Variants in ABR observed in about 807,000 individuals in gnomAD.
ABR encodes active breakpoint cluster region-related protein.
ABR carries 35 observed loss-of-function variants against 107.2 expected under a neutral mutation model. The observed-to-expected ratio is 0.33, with a 90% CI of 0.25 to 0.43. ABR has a LOEUF of 0.43. Among genes scored for constraint, ABR ranks in the 20% least tolerant of loss-of-function variants. ABR has a pLI of 1.00. For missense variants in ABR, 815 were observed against 1,115.2 expected (o/e 0.73, Z 3.83); for synonymous variants, 498 against 462.0 (o/e 1.08, Z -1.00).
At chr17:1,062,717 C>A (rs1156891605) in intron 10 of ABR, among the ~76,000 whole-genome samples, 1 of 146,678 alleles carries the variant, frequency 6.8e-6, no homozygotes, top group African/African-American at 2.4e-5. Flanking sequence ...ATTATGTGAA[C>A]TGAGGGCTAT....
At chr17:1,066,246 C>A (rs563372887) in intron 10 of ABR, among the ~76,000 whole-genome samples, 2 of 152,300 alleles carry the variant, frequency 1.3e-5, no homozygotes, top group South Asian at 2.1e-4. Context: ...TGTATGCTAT[C>A]AACTTGCAGA....
At chr17:1,168,700 A>G (rs540650846) in intron 1 of ABR, among the ~76,000 whole-genome samples, 2 of 152,222 alleles carry the variant, frequency 1.3e-5, no homozygotes, top group African/African-American at 2.4e-5. Context: ...TTGAGGACAG[A>G]CACGGCAGGC....
chr17:1,226,378 T>C (rs928630633), intron 1 of ABR, among the ~76,000 whole-genome samples: 19 of 152,268 alleles, frequency 1.2e-4, no homozygotes, highest in South Asian at 2.1e-4. Context: ...TGTGCACATG[T>C]ATGTACATGT....
intron 10 of ABR, among the ~76,000 whole-genome samples, chr17:1,064,898 A>T (rs1360378932): frequency 8.1e-6 from 1 of 123,530 alleles, no homozygotes; most frequent in Non-Finnish European, 1.8e-5. Context: ...ATGTGAACTG[A>T]GGGCTATGCA....
intron 16 of ABR, among the ~76,000 whole-genome samples, chr17:1,040,982 C>T (rs1000495181): frequency 2.6e-4 from 39 of 152,292 alleles, no homozygotes; most frequent in Admixed American, 2.0e-3. Flanking sequence ...GGCGCAATCT[C>T]GGCTCACCGC....
At chr17:1,141,416 T>C (rs2040278871) in intron 1 of ABR, among the ~76,000 whole-genome samples, 1 of 152,186 alleles carries the variant, frequency 6.6e-6, no homozygotes, top group Non-Finnish European at 1.5e-5. Flanking sequence ...CCATGTGACC[T>C]TGGGCAAGCT....
upstream of ABR, among the ~76,000 whole-genome samples, chr17:1,190,371 C>T (rs949344317): frequency 1.3e-5 from 2 of 152,184 alleles, no homozygotes; most frequent in Admixed American, 6.5e-5. Flanking sequence ...CGGTGGCTCA[C>T]GCCTGTAATC....
intron 16 of ABR, among the ~76,000 whole-genome samples, chr17:1,044,830 C>T (rs1207931505): frequency 6.6e-6 from 1 of 152,186 alleles, no homozygotes; most frequent in African/African-American, 2.4e-5. Flanking sequence ...AGAACTCCCA[C>T]CCTACTCCCT....
chr17:1,072,366 G>A (rs1369442830), intron 8 of ABR, among the ~76,000 whole-genome samples: 4 of 151,968 alleles, frequency 2.6e-5, no homozygotes, highest in African/African-American at 9.7e-5. Context: ...TGCCGCCCGT[G>A]TGTGAGAGAA....
At chr17:1,067,645 G>A (rs905791849) in intron 9 of ABR, among the ~76,000 whole-genome samples, 14 of 152,186 alleles carry the variant, frequency 9.2e-5, no homozygotes, top group African/African-American at 3.4e-4. Context: ...ATGGAATACA[G>A]GTGTTATTCC....
intron 1 of ABR, among the ~76,000 whole-genome samples, chr17:1,166,351 G>C (rs1446557465): frequency 6.6e-6 from 1 of 152,116 alleles, no homozygotes; most frequent in Non-Finnish European, 1.5e-5. Context: ...TCAAGCAGGT[G>C]ACATTCAGCG....
intron 1 of ABR, among the ~76,000 whole-genome samples, chr17:1,161,844 A>G (rs7219395): frequency 0.022 from 3,410 of 152,182 alleles, 108 homozygotes; most frequent in African/African-American, 0.077. Flanking sequence ...TGTGAGCCAC[A>G]GCGCCCGGCC....
chr17:1,196,244 A>G lies in ABR; in HGVS notation c.838+32549T>C, dbSNP rs188176743. Reference sequence around the variant, plus strand: ...CAGGAGTTCAAGACCAGCCTGGCCAACATGGCGAAACCCTCTTTCTACTAC... The same window carrying G: ...CAGGAGTTCAAGACCAGCCTGGCCAGCATGGCGAAACCCTCTTTCTACTAC... On this transcript the variant is annotated intron_variant, in intron 1 of 22. Transcript: ENST00000574139. Among the ~76,000 whole-genome samples the G allele has an allele frequency of 2.3e-3, 347 of 152,082 alleles. 3 individuals carry two copies. Among genetic ancestry groups the G allele is most frequent in the African/African-American group, 8.1e-3 (334 of 41,446 alleles).
intron 16 of ABR, among the ~76,000 whole-genome samples, chr17:1,040,528 G>A (rs1330468238): frequency 6.6e-6 from 1 of 152,236 alleles, no homozygotes; most frequent in Non-Finnish European, 1.5e-5. Context: ...AGCAAAGCCA[G>A]TCTGACCCCA....
intron 1 of ABR, among the ~76,000 whole-genome samples, chr17:1,227,181 A>T (rs1327404288): frequency 6.6e-6 from 1 of 152,208 alleles, no homozygotes. Context: ...TCTAACGTGC[A>T]TCAAGGTGCC....
At chr17:1,031,951 C>T in intron 16 of ABR, 3 of 868,510 alleles carry the variant, frequency 3.5e-6, no homozygotes, top group Non-Finnish European at 4.4e-6. Flanking sequence ...CCGCCCTCCG[C>T]GAGGCTGCAG....
chr17:1,072,840 G>T, intron 7 of ABR, 86 bp from the exon 8 acceptor site: 1 of 1,493,132 alleles, frequency 6.7e-7, no homozygotes. Flanking sequence ...CCCATCCAAA[G>T]GGTGGGCACT....
chr17:1,088,746 G>A (rs1470188436), intron 4 of ABR, among the ~76,000 whole-genome samples: 1 of 151,240 alleles, frequency 6.6e-6, no homozygotes, highest in Non-Finnish European at 1.5e-5. Flanking sequence ...GTGTTATCAT[G>A]CCCGGCTAAT....
At chr17:1,023,036 AGCCTCTGCCTGCCCCACGTCCGCTCCAGC>A (rs1310440949) in intron 16 of ABR, among the ~76,000 whole-genome samples, 1,343 of 130,852 alleles carry the variant, frequency 0.01, 25 homozygotes, top group East Asian at 0.077. Flanking sequence ...TCCACTGCAG[AGCCTCTGCCTGCCCCACGTCCGCTCCAGC>A]GCCTCTGCCG....
Sources: allele counts gnomAD v4.1 joint callset (sites outside exome capture counted in the v4.1 genomes callset), GRCh38; gene constraint gnomAD v4.1.1; transcripts MANE v1.5; gene names NCBI Gene and HGNC (gene_info 2026-07-23, HGNC 2026-07-21).